Variants in CEP83 observed in about 807,000 individuals in gnomAD.
CEP83 encodes the protein centrosomal protein 83, also known as centrosomal protein of 83 kDa.
Under a neutral mutation model 101.9 loss-of-function variants are expected in CEP83, and 70 were observed. The observed-to-expected ratio is 0.69, with a 90% confidence interval of 0.57 to 0.84. CEP83 has a LOEUF of 0.84. Ranked by LOEUF, CEP83 falls within the 40% of genes least tolerant of loss-of-function variation. The probability of loss-of-function intolerance (pLI) is 0.00; values close to 1 mark genes in which losing one functional copy is unlikely to be tolerated. For synonymous variants in CEP83, 264 were observed against 267.9 expected, an observed-to-expected ratio of 0.99 and a Z score of 0.14; for missense variants, 715 against 787.2, an observed-to-expected ratio of 0.91 and a Z score of 1.10.
At chr12:94,450,380 T>C (rs1014146547) in intron 1 of CEP83, among the ~76,000 whole-genome samples, 2 of 152,066 alleles carry the variant, frequency 1.3e-5, no homozygotes, top group Non-Finnish European at 2.9e-5. Flanking sequence ...GCCTCCCGAG[T>C]AGCTGGGACT....
downstream of CEP83, chr12:94,307,186 G>A (rs1969128273): frequency 6.6e-6 from 1 of 152,190 alleles, no homozygotes; most frequent in African/African-American, 2.4e-5. Flanking sequence ...CTCTTCCAGG[G>A]ACTGTGCTGT....
chr12:94,370,396 CAG>C (rs1034282016), intron 8 of CEP83, among the ~76,000 whole-genome samples: 1 of 152,178 alleles, frequency 6.6e-6, no homozygotes, highest in Non-Finnish European at 1.5e-5. Context: ...TTCTAAAAGA[CAG>C]GGTCTTGCTA....
the CEP83 span, among the ~76,000 whole-genome samples, chr12:94,296,946 AAGAGATC>A: frequency 3.9e-5 from 6 of 152,140 alleles, no homozygotes; most frequent in Admixed American, 2.0e-4. Flanking sequence ...TCCTACCAGC[AAGAGATC>A]AGAGATCACT....
chr12:94,305,510 G>T, downstream of CEP83: 1 of 457,988 alleles, frequency 2.2e-6, no homozygotes, highest in Non-Finnish European at 3.9e-6. Flanking sequence ...AGTTGAAGTG[G>T]TTGTTGCAAA....
At chr12:94,381,828 G>A (rs1482493037) in intron 6 of CEP83, among the ~76,000 whole-genome samples, 2 of 151,926 alleles carry the variant, frequency 1.3e-5, no homozygotes, top group Non-Finnish European at 2.9e-5. Context: ...TTCAGATAAT[G>A]GCAGGTTCAC....
chr12:94,331,575 T>C (rs117333942), intron 14 of CEP83, 125 bp downstream of exon 14: 15,931 of 775,722 alleles, frequency 0.021, 246 homozygotes, highest in Non-Finnish European at 0.025. Flanking sequence ...TTCACTGTGT[T>C]AGCCAGGATG....
intron 2 of CEP83, among the ~76,000 whole-genome samples, chr12:94,426,275 T>C (rs2065195229): frequency 6.6e-6 from 1 of 152,232 alleles, no homozygotes; most frequent in Admixed American, 6.5e-5. Flanking sequence ...CTCTTTGTAT[T>C]CTGATCTAGT....
intron 8 of CEP83, among the ~76,000 whole-genome samples, chr12:94,375,356 A>G (rs2061481471): frequency 6.6e-6 from 1 of 152,196 alleles, no homozygotes; most frequent in Non-Finnish European, 1.5e-5. Flanking sequence ...ACTGAGCCAA[A>G]CTCAGACAAG....
the CEP83 span, among the ~76,000 whole-genome samples, chr12:94,293,872 T>C: frequency 6.6e-6 from 1 of 152,094 alleles, no homozygotes; most frequent in Admixed American, 6.6e-5. Context: ...CCTCCTCTTC[T>C]TCCTCCCAAA....
intron 11 of CEP83, among the ~76,000 whole-genome samples, chr12:94,366,041 T>C (rs1340194039): frequency 1.3e-5 from 2 of 151,826 alleles, no homozygotes; most frequent in African/African-American, 4.8e-5. Flanking sequence ...TAATCTCACA[T>C]GGGGCAGGAT....
intron 2 of CEP83, chr12:94,424,347 C>T: frequency 6.2e-7 from 1 of 1,614,060 alleles, no homozygotes; most frequent in Non-Finnish European, 8.5e-7. Context: ...TCGGATGGGG[C>T]TGGTACTCCA....
intron 1 of CEP83, among the ~76,000 whole-genome samples, chr12:94,457,069 G>A (rs1478517485): frequency 6.6e-6 from 1 of 152,066 alleles, no homozygotes; most frequent in Non-Finnish European, 1.5e-5. Flanking sequence ...AAGAAAGAAG[G>A]GAATAAGATC....
At chr12:94,421,995 C>T (rs2064790265) in intron 2 of CEP83, among the ~76,000 whole-genome samples, 1 of 152,138 alleles carries the variant, frequency 6.6e-6, no homozygotes, top group Admixed American at 6.6e-5. Flanking sequence ...TGTGCTTAGC[C>T]CCCACCTTTT....
chr12:94,293,794 A>AT, the CEP83 span, among the ~76,000 whole-genome samples: 1 of 151,932 alleles, frequency 6.6e-6, no homozygotes, highest in African/African-American at 2.4e-5. Context: ...AATTAAAAAA[A>AT]TTTTTTTTAT....
chr12:94,408,642 T>C (rs897733559), intron 4 of CEP83, among the ~76,000 whole-genome samples: 3 of 152,070 alleles, frequency 2.0e-5, no homozygotes, highest in Non-Finnish European at 4.4e-5. Flanking sequence ...TGTGGTGGTG[T>C]AACCATGGCT....
intron 8 of CEP83, among the ~76,000 whole-genome samples, chr12:94,373,320 T>A (rs969113373): frequency 6.6e-5 from 10 of 152,186 alleles, no homozygotes. Flanking sequence ...AACAAAACTT[T>A]AATAAATGTC....
chr12:94,317,045 T>C (rs1366482894), intron 14 of CEP83, among the ~76,000 whole-genome samples: 2 of 152,170 alleles, frequency 1.3e-5, no homozygotes, highest in African/African-American at 4.8e-5. Flanking sequence ...ACCAACAGTG[T>C]ATCAAAGTAT....
intron 6 of CEP83, 93 bp downstream of exon 6, chr12:94,400,757 A>G (rs1212754373): frequency 3.7e-5 from 25 of 668,222 alleles, no homozygotes; most frequent in African/African-American, 7.6e-5. Flanking sequence ...AAACTATACA[A>G]TCGACTCTAA....
At chr12:94,377,601 T>A (rs915714062) in intron 7 of CEP83, among the ~76,000 whole-genome samples, 14 of 152,348 alleles carry the variant, frequency 9.2e-5, no homozygotes, top group African/African-American at 3.4e-4. Context: ...AAAGAAATGC[T>A]TGCTGTCATA....
Sources: allele counts gnomAD v4.1 joint callset (sites outside exome capture counted in the v4.1 genomes callset), GRCh38; gene constraint gnomAD v4.1.1; transcripts MANE v1.5; gene names NCBI Gene and HGNC (gene_info 2026-07-23, HGNC 2026-07-21).